Variants in WASF2 observed in about 807,000 individuals in gnomAD.
WASF2 encodes WASP family member 2, also known as actin-binding protein WASF2.
In WASF2, 14 loss-of-function variants were observed where a neutral mutation model predicts 45.0. That is an observed-to-expected ratio of 0.31 (90% CI 0.21 to 0.49). WASF2 has a LOEUF of 0.49. Ranked by LOEUF, WASF2 falls within the 20% of genes least tolerant of loss-of-function variation. WASF2 has a pLI of 0.99. For missense variants in WASF2, 439 were observed against 636.1 expected (o/e 0.69, Z 3.33); for synonymous variants, 200 against 236.3 (o/e 0.85, Z 1.41).
chr1:27,469,476 C>G (rs937627784), intron 1 of WASF2, among the ~76,000 whole-genome samples: 3 of 152,110 alleles, frequency 2.0e-5, no homozygotes, highest in Non-Finnish European at 4.4e-5. Flanking sequence ...GTACCGCCTC[C>G]AGGACACACT....
At chr1:27,411,630 G>A (rs1222010817) in intron 7 of WASF2, among the ~76,000 whole-genome samples, 13 of 152,190 alleles carry the variant, frequency 8.5e-5, no homozygotes, top group Non-Finnish European at 1.3e-4. Context: ...TTGGGAGGCC[G>A]AGGTGGGCGG....
chr1:27,430,426 T>G (rs925832321), intron 1 of WASF2, among the ~76,000 whole-genome samples: 2 of 152,162 alleles, frequency 1.3e-5, no homozygotes, highest in Non-Finnish European at 2.9e-5. Flanking sequence ...AGTGGCACGA[T>G]CTCAGCTCAC....
intron 1 of WASF2, among the ~76,000 whole-genome samples, chr1:27,458,583 C>T (rs1439899617): frequency 2.0e-5 from 3 of 151,762 alleles, no homozygotes; most frequent in Non-Finnish European, 4.4e-5. Flanking sequence ...TCACTTGAGG[C>T]CAGGAGTTTG....
At chr1:27,457,619 AC>A (rs2017486702) in intron 1 of WASF2, among the ~76,000 whole-genome samples, 1 of 149,436 alleles carries the variant, frequency 6.7e-6, no homozygotes, top group African/African-American at 2.5e-5. Flanking sequence ...CAATATTGTG[AC>A]CTTTTTTTTT....
chr1:27,466,598 G>C (rs2017614250), intron 1 of WASF2, among the ~76,000 whole-genome samples: 1 of 152,210 alleles, frequency 6.6e-6, no homozygotes, highest in African/African-American at 2.4e-5. Context: ...GCTGGGCGCA[G>C]TGGTGCATAC....
At chr1:27,422,675 C>T (rs533080427) in intron 2 of WASF2, among the ~76,000 whole-genome samples, 1 of 151,232 alleles carries the variant, frequency 6.6e-6, no homozygotes, top group East Asian at 1.9e-4. Context: ...TATTTATACT[C>T]GTGTACTCAT....
At chr1:27,427,755 A>T (rs1356646148) in intron 2 of WASF2, among the ~76,000 whole-genome samples, 4 of 152,058 alleles carry the variant, frequency 2.6e-5, no homozygotes, top group African/African-American at 9.7e-5. Context: ...TTGATATTCC[A>T]CTGCCTTCAC....
intron 1 of WASF2, among the ~76,000 whole-genome samples, chr1:27,431,608 C>T (rs540640679): frequency 3.3e-5 from 5 of 152,290 alleles, no homozygotes; most frequent in African/African-American, 9.6e-5. Context: ...AACCAGACCA[C>T]CTTGAAATGC....
chr1:27,489,586 G>C (rs1215848988), intron 1 of WASF2, among the ~76,000 whole-genome samples: 1 of 152,148 alleles, frequency 6.6e-6, no homozygotes, highest in African/African-American at 2.4e-5. Flanking sequence ...ACTTGTCCAA[G>C]ATCTCAGACA....
At chr1:27,450,565 A>G (rs953177929) in intron 1 of WASF2, among the ~76,000 whole-genome samples, 1 of 152,040 alleles carries the variant, frequency 6.6e-6, no homozygotes, top group Admixed American at 6.6e-5. Flanking sequence ...CAATGGCACA[A>G]TCTCAGCTCA....
intron 1 of WASF2, among the ~76,000 whole-genome samples, chr1:27,463,188 T>C (rs2017570001): frequency 6.6e-6 from 1 of 152,212 alleles, no homozygotes; most frequent in Admixed American, 6.5e-5. Flanking sequence ...AATAATTATT[T>C]AGAGACTATG....
At chr1:27,450,548 T>G (rs755411258) in intron 1 of WASF2, among the ~76,000 whole-genome samples, 13 of 152,156 alleles carry the variant, frequency 8.5e-5, no homozygotes, top group Non-Finnish European at 1.5e-4. Flanking sequence ...TTGCCCAGGC[T>G]GGAGTGCAAT....
chr1:27,456,903 C>G (rs556749711), intron 1 of WASF2, among the ~76,000 whole-genome samples: 231 of 151,930 alleles, frequency 1.5e-3, no homozygotes, highest in African/African-American at 5.3e-3. Flanking sequence ...CCACGCCCGG[C>G]AATTTTTTTT....
chr1:27,407,334 C>G lies in WASF2; in HGVS notation c.*855G>C, dbSNP rs1190029169. On this transcript the variant is annotated 3_prime_UTR_variant, in exon 9 of 9. Coordinates refer to ENST00000618852, the MANE Select transcript of WASF2 (RefSeq NM_006990.5). Reference sequence around the variant, plus strand: ...TCCTTAAAGGGTGAGACCCACGGGGCTCCACTGTTCTTCCAGTCCTGCAGC... The same window carrying G: ...TCCTTAAAGGGTGAGACCCACGGGGGTCCACTGTTCTTCCAGTCCTGCAGC... 6.5e-6 allele frequency: 1 copy of G among 152,792 alleles called. No homozygotes were observed. Among genetic ancestry groups the G allele is most frequent in the Non-Finnish European group, 1.5e-5 (1 of 68,168 alleles). The allele number at this position is 152,792 out of a possible 1,614,324, so 9.5% of individuals were successfully genotyped here.
At chr1:27,460,602 C>G (rs1238107615) in intron 1 of WASF2, among the ~76,000 whole-genome samples, 1 of 152,146 alleles carries the variant, frequency 6.6e-6, no homozygotes, top group East Asian at 1.9e-4. Context: ...TAAAAGTGAA[C>G]CAGTTTACAC....
chr1:27,466,211 A>C (rs965632069), intron 1 of WASF2, among the ~76,000 whole-genome samples: 7 of 152,226 alleles, frequency 4.6e-5, no homozygotes, highest in South Asian at 4.1e-4. Context: ...AGAGTTGATA[A>C]AGTAAACTTT....
intron 2 of WASF2, among the ~76,000 whole-genome samples, chr1:27,425,670 C>T (rs1162314974): frequency 1.3e-5 from 2 of 151,962 alleles, no homozygotes; most frequent in African/African-American, 2.4e-5. Context: ...AATCCTGTCT[C>T]TTCTAAAAAT....
intron 1 of WASF2, among the ~76,000 whole-genome samples, chr1:27,449,598 C>CAA (rs575767319): frequency 1.6e-5 from 2 of 128,510 alleles, no homozygotes; most frequent in Non-Finnish European, 1.7e-5. Context: ...GACTCCATCT[C>CAA]AAAAAAAAAA....
At chr1:27,479,842 G>A (rs1571166840) in intron 1 of WASF2, among the ~76,000 whole-genome samples, 1 of 152,288 alleles carries the variant, frequency 6.6e-6, no homozygotes, top group East Asian at 1.9e-4. Flanking sequence ...TCCAGCCTGG[G>A]TGACAGAGCA....
Sources: allele counts gnomAD v4.1 joint callset (sites outside exome capture counted in the v4.1 genomes callset), GRCh38; gene constraint gnomAD v4.1.1; transcripts MANE v1.5; gene names NCBI Gene and HGNC (gene_info 2026-07-23, HGNC 2026-07-21).